ARMH3: variants seen among roughly 807,000 people sequenced by gnomAD.
ARMH3 encodes armadillo-like helical domain-containing protein 3.
Under a neutral mutation model 99.1 loss-of-function variants are expected in ARMH3, and 60 were observed. That is an observed-to-expected ratio of 0.61 (90% CI 0.49 to 0.75). The LOEUF is 0.75. Ranked by LOEUF, ARMH3 falls within the 30% of genes least tolerant of loss-of-function variation. The pLI is 0.00. For synonymous variants in ARMH3, 285 were observed against 292.8 expected, an observed-to-expected ratio of 0.97 and a Z score of 0.27; for missense variants, 679 against 843.1, an observed-to-expected ratio of 0.81 and a Z score of 2.41.
intron 24 of ARMH3, among the ~76,000 whole-genome samples, chr10:101,856,277 C>T (rs2135288040): frequency 6.6e-6 from 1 of 152,290 alleles, no homozygotes; most frequent in Non-Finnish European, 1.5e-5. Context: ...CAGATCACTC[C>T]AAACTCATTG....
chr10:102,033,424 C>A (rs879202105), intron 2 of ARMH3, 85 bp from the exon 3 acceptor site: 7 of 1,090,224 alleles, frequency 6.4e-6, no homozygotes, highest in Non-Finnish European at 7.6e-6. Context: ...CCTTAGTTTT[C>A]TTTTTTTTTT....
chr10:102,014,061 C>T, intron 8 of ARMH3, 37 bp from the exon 9 acceptor site: 2 of 1,536,742 alleles, frequency 1.3e-6, no homozygotes, highest in South Asian at 1.2e-5. Flanking sequence ...GTAAGTCTGA[C>T]CTAGTTAAGA....
chr10:102,029,928 GT>G (rs965968395), intron 4 of ARMH3, among the ~76,000 whole-genome samples, 183 bp from the exon 5 acceptor site: 92 of 142,164 alleles, frequency 6.5e-4, no homozygotes, highest in East Asian at 1.6e-3. Context: ...TTGTTTGTTT[GT>G]TTTTTTTTTT....
chr10:102,030,181 A>G (rs941200681), intron 4 of ARMH3, among the ~76,000 whole-genome samples: 19 of 152,002 alleles, frequency 1.2e-4, no homozygotes, highest in African/African-American at 4.6e-4. Flanking sequence ...TCAGCCTCCC[A>G]AAGTTCTGGA....
At chr10:101,865,284 G>C (rs971535105) in intron 24 of ARMH3, among the ~76,000 whole-genome samples, 1 of 151,198 alleles carries the variant, frequency 6.6e-6, no homozygotes, top group South Asian at 2.1e-4. Context: ...TAATGAACAC[G>C]TAAGATATAC....
chr10:101,941,066 CT>C (rs1844221128), intron 22 of ARMH3, among the ~76,000 whole-genome samples: 1 of 152,180 alleles, frequency 6.6e-6, no homozygotes, highest in African/African-American at 2.4e-5. Flanking sequence ...AAAACCAAGA[CT>C]CAGAGGAGAC....
intron 1 of ARMH3, among the ~76,000 whole-genome samples, chr10:102,049,889 G>A (rs530070406): frequency 1.3e-5 from 2 of 152,080 alleles, no homozygotes; most frequent in Non-Finnish European, 2.9e-5. Context: ...ATATTACTTT[G>A]CCCAAAGTAA....
intron 23 of ARMH3, among the ~76,000 whole-genome samples, chr10:101,890,931 G>A (rs1283177376): frequency 6.8e-6 from 1 of 147,708 alleles, no homozygotes; most frequent in Non-Finnish European, 1.5e-5. Flanking sequence ...CTGGAGTGCA[G>A]TGGCACAAAC....
chr10:101,952,665 T>C (rs1333398113), intron 22 of ARMH3: 1 of 152,196 alleles, frequency 6.6e-6, no homozygotes, highest in Non-Finnish European at 1.5e-5. Context: ...AATCTTTAAC[T>C]GACTGTGAAT....
chr10:102,029,590 G>C, intron 5 of ARMH3, 48 bp downstream of exon 5: 1 of 1,614,206 alleles, frequency 6.2e-7, no homozygotes, highest in Non-Finnish European at 8.5e-7. Flanking sequence ...TCCAGGAACA[G>C]CTGTCAGAAG....
At chr10:101,994,337 C>G (rs1290128310) in intron 16 of ARMH3, among the ~76,000 whole-genome samples, 1 of 152,150 alleles carries the variant, frequency 6.6e-6, no homozygotes, top group Non-Finnish European at 1.5e-5. Context: ...TCTTCCATAA[C>G]CAGCCACCCC....
At chr10:101,898,153 G>A (rs1024434942) in intron 23 of ARMH3, among the ~76,000 whole-genome samples, 1 of 151,908 alleles carries the variant, frequency 6.6e-6, no homozygotes, top group Non-Finnish European at 1.5e-5. Flanking sequence ...GCTGAAGTGG[G>A]AGAAGTGCTT....
At chr10:101,918,455 G>A (rs1344042864) in intron 23 of ARMH3, among the ~76,000 whole-genome samples, 1 of 152,130 alleles carries the variant, frequency 6.6e-6, no homozygotes, top group Non-Finnish European at 1.5e-5. Context: ...AAAAAATGTG[G>A]CCACTTAGAA....
intron 6 of ARMH3, among the ~76,000 whole-genome samples, chr10:102,024,170 C>T (rs1447894231): frequency 6.6e-6 from 1 of 152,134 alleles, no homozygotes; most frequent in African/African-American, 2.4e-5. Context: ...ATCAAAACTA[C>T]CTGAGCGCAG....
At chr10:101,978,716 T>G (rs1315505844) in intron 19 of ARMH3, among the ~76,000 whole-genome samples, 1 of 152,078 alleles carries the variant, frequency 6.6e-6, no homozygotes, top group African/African-American at 2.4e-5. Flanking sequence ...CCAAGGTGTG[T>G]GGATCATGAG....
intron 1 of ARMH3, among the ~76,000 whole-genome samples, chr10:102,045,724 T>C (rs917086826): frequency 6.6e-5 from 10 of 152,172 alleles, no homozygotes; most frequent in African/African-American, 1.9e-4. Context: ...GATACAGTCA[T>C]ACAATAGAAT....
Position 102,009,351 on chromosome 10 carries a change from CTGGG to C in ARMH3, c.954+19_954+22del. ...TATGAAATTTAGAGAGAAAAAAACA[CTGGG>C]ATTTTTAATGTGACCAACCTGAGCT... On this transcript the variant is annotated intron_variant, in intron 13 of 25. Coordinates refer to ENST00000370033, the MANE Select transcript of ARMH3 (RefSeq NM_024541.3). 2 of 1,594,142 alleles carry C rather than the reference CTGGG, an allele frequency of 1.3e-6. No individual in the cohort carries two copies. Among genetic ancestry groups the C allele is most frequent in the Non-Finnish European group, 1.7e-6 (2 of 1,163,256 alleles).
intron 19 of ARMH3, among the ~76,000 whole-genome samples, chr10:101,988,281 T>C (rs888794810): frequency 1.6e-4 from 25 of 152,186 alleles, no homozygotes; most frequent in African/African-American, 6.0e-4. Flanking sequence ...TTTCCTTTCT[T>C]TTAAAATGAA....
intron 24 of ARMH3, among the ~76,000 whole-genome samples, chr10:101,877,054 T>A (rs1424641102): frequency 6.6e-6 from 1 of 151,724 alleles, no homozygotes; most frequent in Non-Finnish European, 1.5e-5. Flanking sequence ...CAAAAAATTT[T>A]AAAAGTTAGC....
Sources: allele counts gnomAD v4.1 joint callset (sites outside exome capture counted in the v4.1 genomes callset), GRCh38; gene constraint gnomAD v4.1.1; transcripts MANE v1.5; gene names NCBI Gene and HGNC (gene_info 2026-07-23, HGNC 2026-07-21).